The following CNTLN variants were observed in gnomAD, a reference collection of about 807,000 sequenced individuals.
The protein encoded by CNTLN is centlein, centrosomal protein.
In CNTLN, 212 loss-of-function variants were observed where a neutral mutation model predicts 180.0. The observed-to-expected ratio is 1.18, with a 90% CI of 1.05 to 1.32. CNTLN has a LOEUF of 1.32. Ranked by LOEUF, CNTLN falls within the 40% of genes most tolerant of loss-of-function variation. CNTLN has a pLI of 0.00. For missense variants in CNTLN, 2,095 were observed against 1,610.9 expected (o/e 1.30, Z -5.14); for synonymous variants, 722 against 563.1 (o/e 1.28, Z -3.99).
intron 12 of CNTLN, among the ~76,000 whole-genome samples, chr9:17,357,984 A>G (rs1176747064): frequency 6.6e-6 from 1 of 152,150 alleles, no homozygotes; most frequent in African/African-American, 2.4e-5. Context: ...ATGATATATA[A>G]TCAAATGTAG....
At chr9:17,500,132 G>A (rs928524560) in intron 25 of CNTLN, among the ~76,000 whole-genome samples, 1 of 152,128 alleles carries the variant, frequency 6.6e-6, no homozygotes, top group African/African-American at 2.4e-5. Flanking sequence ...AATCCAAAAT[G>A]TGTTATCCTC....
chr9:17,355,543 C>T (rs1653027188), intron 12 of CNTLN, among the ~76,000 whole-genome samples: 1 of 152,092 alleles, frequency 6.6e-6, no homozygotes, highest in African/African-American at 2.4e-5. Context: ...TCATGTTTTT[C>T]TGTAGTTGTT....
chr9:17,408,683 C>G (rs888956498), intron 15 of CNTLN, among the ~76,000 whole-genome samples: 2 of 152,026 alleles, frequency 1.3e-5, no homozygotes, highest in Non-Finnish European at 1.5e-5. Context: ...CGCCTGTAGT[C>G]CCAGCTACTT....
intron 18 of CNTLN, among the ~76,000 whole-genome samples, chr9:17,430,747 T>A (rs1829369392): frequency 6.6e-6 from 1 of 152,148 alleles, no homozygotes; most frequent in South Asian, 2.1e-4. Context: ...TTCTACTCAC[T>A]ACCTTCAAGT....
At chr9:17,381,291 G>T (rs1379254819) in intron 13 of CNTLN, among the ~76,000 whole-genome samples, 1 of 152,152 alleles carries the variant, frequency 6.6e-6, no homozygotes, top group South Asian at 2.1e-4. Context: ...AGAAGTACTG[G>T]AACTTATACA....
chr9:17,396,829 C>T (rs1826562183), intron 15 of CNTLN, among the ~76,000 whole-genome samples: 1 of 152,138 alleles, frequency 6.6e-6, no homozygotes, highest in African/African-American at 2.4e-5. Flanking sequence ...TACTCAAGCC[C>T]CTTGTCCTCA....
rs747411468 is a variant in CNTLN at position 17,502,599 on chromosome 9, G to GA, written c.4175dup (p.Lys1393GlufsTer4). On this transcript the variant is annotated frameshift_variant, in exon 26 of 26. Coordinates refer to ENST00000380647, the MANE Select transcript of CNTLN (RefSeq NM_017738.4). LOFTEE classifies it high-confidence loss of function. ...AGAAGCAGTACTGGAAAAAATAAATGAAAAAAAGAAACTAGTTGAAGGATA... is the reference window on the plus strand; with the variant it reads ...AGAAGCAGTACTGGAAAAAATAAATGAAAAAAAAGAAACTAGTTGAAGGATA... The GA allele has an allele frequency of 1.6e-5, 22 of 1,411,128 alleles. No individual in the cohort carries two copies. Among genetic ancestry groups the GA allele is most frequent in the African/African-American group, 1.0e-4 (7 of 67,940 alleles). The allele number at this position is 1,411,128 out of a possible 1,614,324, so 87.4% of individuals were successfully genotyped here.
At position 17,464,577 on chromosome 9, in the gene CNTLN, AAAGT is replaced by A. The variant is rs1831637163; in HGVS notation, c.3488_3491del (p.Ser1163ThrfsTer15). On this transcript the variant is annotated frameshift_variant, in exon 21 of 26. Coordinates refer to ENST00000380647, the MANE Select transcript of CNTLN (RefSeq NM_017738.4). LOFTEE classifies it high-confidence loss of function. The stretch of plus-strand genomic sequence containing the variant: ...AAATTTCGACAGAAAGTAAATTTGG[AAAGT>A]AACAAGAGTTTTAGTGAAATGTTAC... 1 of 1,515,876 alleles carries A rather than the reference AAAGT, an allele frequency of 6.6e-7. No homozygotes were observed. Among genetic ancestry groups the A allele is most frequent in the African/African-American group, 1.5e-5 (1 of 68,690 alleles). 93.9% of individuals were successfully genotyped at this position (1,515,876 alleles called of 1,614,324 possible).
chr9:17,517,214 C>T, the CNTLN span, among the ~76,000 whole-genome samples: 1 of 151,756 alleles, frequency 6.6e-6, no homozygotes, highest in Non-Finnish European at 1.5e-5. Flanking sequence ...CATGGTGAAA[C>T]CCCGTCTCTA....
At chr9:17,264,227 G>A (rs1054953994) in intron 5 of CNTLN, among the ~76,000 whole-genome samples, 3 of 147,430 alleles carry the variant, frequency 2.0e-5, no homozygotes, top group African/African-American at 7.7e-5. Flanking sequence ...TGTATAAGGT[G>A]TAAGGAAGGG....
intron 6 of CNTLN, among the ~76,000 whole-genome samples, chr9:17,275,804 A>G (rs1056588670): frequency 1.3e-5 from 2 of 152,184 alleles, no homozygotes; most frequent in Non-Finnish European, 2.9e-5. Context: ...AATAATAGCT[A>G]GTGGGCCATG....
At chr9:17,317,513 C>A (rs970320891) in intron 8 of CNTLN, among the ~76,000 whole-genome samples, 5 of 151,970 alleles carry the variant, frequency 3.3e-5, no homozygotes, top group Admixed American at 2.6e-4. Context: ...CAAAACAAGG[C>A]CTTTGTGCTC....
At chr9:17,137,995 G>T (rs545702020) in intron 1 of CNTLN, among the ~76,000 whole-genome samples, 2 of 152,266 alleles carry the variant, frequency 1.3e-5, no homozygotes, top group East Asian at 1.9e-4. Flanking sequence ...GGGAAGAAAA[G>T]CTATCTGTAT....
rs1828232310 is a variant in CNTLN, at chr9:17,416,198, A to T, written c.3114+9A>T. On this transcript the variant is annotated intron_variant, in intron 18 of 25. Transcript: ENST00000380647. Reference sequence around the variant, plus strand: ...GCAGGCAGACAATAAAGGTAAAGAGAACTTTAAGATTGAACAGTAGTATAC... The same window carrying T: ...GCAGGCAGACAATAAAGGTAAAGAGTACTTTAAGATTGAACAGTAGTATAC... The T allele has an allele frequency of 1.9e-6, 3 of 1,602,058 alleles. No homozygotes were observed. In the East Asian group the frequency reaches 6.7e-5, roughly 36 times the overall value.
intron 18 of CNTLN, among the ~76,000 whole-genome samples, chr9:17,426,846 C>T (rs975902951): frequency 2.0e-5 from 3 of 151,924 alleles, no homozygotes; most frequent in African/African-American, 7.3e-5. Context: ...CTTTGGGGAG[C>T]ATTCATCCAG....
At chr9:17,197,042 A>G (rs1587100433) in intron 2 of CNTLN, among the ~76,000 whole-genome samples, 1 of 152,128 alleles carries the variant, frequency 6.6e-6, no homozygotes, top group African/African-American at 2.4e-5. Context: ...CTCTGTCTCC[A>G]TGAGTTCAAT....
chr9:17,388,122 G>C, intron 13 of CNTLN, 40 bp from the exon 14 acceptor site: 1 of 1,313,272 alleles, frequency 7.6e-7, no homozygotes, highest in Non-Finnish European at 1.1e-6. Context: ...TATTTCAGCA[G>C]TACACGTGGT....
At chr9:17,256,694 G>C (rs370920185) in intron 5 of CNTLN, among the ~76,000 whole-genome samples, 20 of 151,952 alleles carry the variant, frequency 1.3e-4, no homozygotes, top group Admixed American at 1.3e-4. Context: ...AGACAGAAAA[G>C]GGCAGAGAAA....
At chr9:17,171,590 A>G (rs1268570366) in intron 2 of CNTLN, among the ~76,000 whole-genome samples, 2 of 152,138 alleles carry the variant, frequency 1.3e-5, no homozygotes, top group South Asian at 4.1e-4. Flanking sequence ...GGTTGAGGGT[A>G]TCCCTCTTGG....
Sources: gnomAD v4.1 joint callset for allele counts (sites outside exome capture counted in the v4.1 genomes callset) on GRCh38, gnomAD v4.1.1 for gene constraint, MANE v1.5 for transcripts, NCBI Gene and HGNC (gene_info 2026-07-23, HGNC 2026-07-21) for gene names.